NLE1: variants seen among roughly 807,000 people sequenced by gnomAD.
The protein encoded by NLE1 is notchless protein homolog 1.
NLE1 carries 37 observed loss-of-function variants against 62.8 expected under a neutral mutation model. The ratio of observed to expected loss-of-function variants is 0.59; its 90% CI spans 0.45 to 0.78. NLE1 has a LOEUF of 0.78. NLE1 is among the 30% of genes least tolerant of loss of function. NLE1 has a pLI of 0.00. For missense variants in NLE1, 555 were observed against 637.9 expected, an observed-to-expected ratio of 0.87 and a Z score of 1.40; for synonymous variants, 243 against 253.0, an observed-to-expected ratio of 0.96 and a Z score of 0.37.
intron 6 of NLE1, 110 bp downstream of exon 6, chr17:35,137,433 T>C: frequency 1.0e-6 from 1 of 955,230 alleles, no homozygotes; most frequent in South Asian, 1.5e-5. Flanking sequence ...TCACGGTCAT[T>C]CAGGCTGCCC....
At chr17:35,134,247 T>C (rs1187135454) in intron 10 of NLE1, among the ~76,000 whole-genome samples, 2 of 152,210 alleles carry the variant, frequency 1.3e-5, no homozygotes, top group Non-Finnish European at 2.9e-5. Flanking sequence ...TCCCAGGTGA[T>C]GCTGATGCCG....
Position 35,129,401 on chromosome 17 carries a change from CG to C in NLE1, c.*3035del, listed in dbSNP as rs777443186. On this transcript the variant is annotated 3_prime_UTR_variant, in exon 13 of 13. Transcript: ENST00000442241. Reference sequence around the variant, plus strand: ...GGACAGGACATATCTGAGGAAGCCTCGGGGCTCTCTCTTCCCCTAGATTTCC... The same window carrying C: ...GGACAGGACATATCTGAGGAAGCCTCGGGCTCTCTCTTCCCCTAGATTTCC... The C allele has an allele frequency of 6.2e-7, 1 of 1,609,894 alleles. No individual in the cohort carries two copies. The highest frequency in any genetic ancestry group is 1.3e-5 in the African/African-American group (1 of 74,808).
Position 35,134,811 on chromosome 17 carries a change from G to A in NLE1, c.1214+438C>T, listed in dbSNP as rs144797562. 2,086 of 348,998 alleles carry A rather than the reference G, an allele frequency of 6.0e-3. 8 individuals are homozygous for A. The highest frequency in any genetic ancestry group is 9.7e-3 in the Non-Finnish European group (1,728 of 178,272). The allele number at this position is 348,998 out of a possible 1,614,324, so 21.6% of individuals were successfully genotyped here. ...TCACACCTGTAATCCCAGCACTTTG[G>A]GAGGCCGAGGCAGTTGGATCACTTG... On this transcript the variant is annotated intron_variant, in intron 10 of 12. Coordinates refer to ENST00000442241, the MANE Select transcript of NLE1 (RefSeq NM_018096.5).
chr17:35,132,618 GC>G (rs950955427), intron 12 of NLE1, among the ~76,000 whole-genome samples, 169 bp from the exon 13 acceptor site: 41 of 152,132 alleles, frequency 2.7e-4, no homozygotes, highest in African/African-American at 9.4e-4. Flanking sequence ...CCCACTCACT[GC>G]CTGCTGCCAC....
At chr17:35,141,917 T>A in intron 2 of NLE1, 62 bp downstream of exon 2, 1 of 1,508,192 alleles carries the variant, frequency 6.6e-7, no homozygotes. Context: ...CTCGGTAATA[T>A]GATTCCCCCA....
intron 8 of NLE1, 65 bp from the exon 9 acceptor site, chr17:35,136,280 C>T (rs2091908205): frequency 6.2e-7 from 1 of 1,612,476 alleles, no homozygotes. Context: ...AAATCCAACA[C>T]AAAGAGCAAA....
At chr17:35,132,477 G>T in intron 12 of NLE1, 28 bp from the exon 13 acceptor site, 1 of 1,374,234 alleles carries the variant, frequency 7.3e-7, no homozygotes, top group African/African-American at 1.5e-5. Flanking sequence ...GTGTCAGGAT[G>T]GGGATTCCAC....
chr17:35,137,475 T>C lies in NLE1; in HGVS notation c.635+68A>G, dbSNP rs938520441. 30 of 1,303,284 alleles carry C rather than the reference T, an allele frequency of 2.3e-5. No individual in the cohort carries two copies. In the African/African-American group the frequency reaches 2.4e-4, roughly 11 times the overall value. 80.7% of individuals were successfully genotyped at this position (1,303,284 alleles called of 1,614,324 possible). ...TCCCCTCACGTAAAACTTCTATGCATTGGGCAGGGAAAGGGGATGGCTTTG... is the reference window on the plus strand; with the variant it reads ...TCCCCTCACGTAAAACTTCTATGCACTGGGCAGGGAAAGGGGATGGCTTTG... On this transcript the variant is annotated intron_variant, in intron 6 of 12. Transcript: ENST00000442241.
In NLE1 at chr17:35,139,964, C is replaced by A. The variant is rs374888118; in HGVS notation, c.265G>T (p.Asp89Tyr). 6.2e-7 allele frequency: 1 copy of A among 1,614,194 alleles called. No homozygotes were observed. The highest frequency in any genetic ancestry group is 8.5e-7 in the Non-Finnish European group (1 of 1,180,052). The change falls in exon 3 of 13, where the codon GAC becomes TAC. Residue 89 changes from aspartate to tyrosine, a missense_variant. Transcript: ENST00000442241. The stretch of plus-strand genomic sequence containing the variant: ...ATAGCCTGTGGCTGGTAGATGATGT[C>A]TAGGACCTTCTCTGTCTCCACTGCC... ...SQAVETEKVLDIIYQPQAIFR... is the reference protein window; with the variant it reads ...SQAVETEKVLYIIYQPQAIFR...
rs1218555911 is a variant in NLE1 at position 35,142,021 on chromosome 17, G to C, written c.120C>G (p.Thr40=). 3.1e-6 allele frequency: 5 copies of C among 1,607,474 alleles called. No individual in the cohort carries two copies. Among genetic ancestry groups the C allele is most frequent in the East Asian group, 4.5e-5 (2 of 44,648 alleles). ...TGCACACGAGCTGCAGCCTGTCCGG[G>C]GTGATGTCCACGGGCACGTCGAACG... The part of the protein sequence containing the change: ...GSPFDVPVDI[T]PDRLQLVCNA... Residue 40 remains threonine (T), a synonymous_variant, in exon 2 of 13, where the codon ACC becomes ACG. Coordinates refer to ENST00000442241, the MANE Select transcript of NLE1 (RefSeq NM_018096.5).
chr17:35,142,301 G>A lies in NLE1; in HGVS notation c.-26C>T, dbSNP rs766210740. The A allele has an allele frequency of 2.6e-6, 4 of 1,534,014 alleles. No individual in the cohort carries two copies. In the Middle Eastern group the frequency reaches 6.7e-4, roughly 259 times the overall value. ...CCTGCGTCCCCACGTGGAGGAGAAAGAGCCCGGCAGACAGAGCGCCGTCTC... is the reference window on the plus strand; with the variant it reads ...CCTGCGTCCCCACGTGGAGGAGAAAAAGCCCGGCAGACAGAGCGCCGTCTC... On this transcript the variant is annotated 5_prime_UTR_variant, in exon 1 of 13. Transcript: ENST00000442241.
At position 35,137,085 on chromosome 17, in the gene NLE1, C is replaced by T. The variant is rs766514680; in HGVS notation, c.744G>A (p.Ser248=). ...CCCCTCCCCACCGGAGACAGGTGACCGACTGGGTGTGCCCGGTGAGGATGC... is the reference window on the plus strand; with the variant it reads ...CCCCTCCCCACCGGAGACAGGTGACTGACTGGGTGTGCCCGGTGAGGATGC... ...CERILTGHTQ[S]VTCLRWGGDG... The change falls in exon 7 of 13, where the codon TCG becomes TCA. Residue 248 remains serine, a synonymous_variant. Transcript: ENST00000442241. The T allele has an allele frequency of 1.8e-5, 29 of 1,613,870 alleles. No homozygotes were observed. The highest frequency in any genetic ancestry group is 8.3e-5 in the Admixed American group (5 of 59,970).
intron 10 of NLE1, 146 bp from the exon 11 acceptor site, chr17:35,133,644 G>T (rs1379114730): frequency 4.2e-6 from 3 of 722,708 alleles, no homozygotes; most frequent in Non-Finnish European, 4.5e-6. Flanking sequence ...CACACTGCCT[G>T]GTCCCCATCC....
chr17:35,129,323 G>A lies in NLE1; in HGVS notation c.*3114C>T, dbSNP rs1021038309. ...ACCTGCCTGGGCCCCAGCAGGAGCAGGGGATGGGCATGGGACGTCCTGACC... is the reference window on the plus strand; with the variant it reads ...ACCTGCCTGGGCCCCAGCAGGAGCAAGGGATGGGCATGGGACGTCCTGACC... On this transcript the variant is annotated 3_prime_UTR_variant, in exon 13 of 13. Coordinates refer to ENST00000442241, the MANE Select transcript of NLE1 (RefSeq NM_018096.5). 4 of 1,479,700 alleles carry A rather than the reference G, an allele frequency of 2.7e-6. No individual in the cohort carries two copies. The highest frequency in any genetic ancestry group is 2.8e-5 in the African/African-American group (2 of 72,076). The allele number at this position is 1,479,700 out of a possible 1,614,324, so 91.7% of individuals were successfully genotyped here.
At position 35,130,593 on chromosome 17, in the gene NLE1, A is replaced by G; in HGVS notation, c.*1844T>C. The G allele has an allele frequency of 1.3e-6, 1 of 765,492 alleles. No individual in the cohort carries two copies. Among genetic ancestry groups the G allele is most frequent in the Non-Finnish European group, 2.0e-6 (1 of 490,984 alleles). The allele number at this position is 765,492 out of a possible 1,614,324, so 47.4% of individuals were successfully genotyped here. A position where few individuals can be genotyped will look rare whatever the true frequency, so the allele number is the denominator to read the frequency against. ...ACCCCTGGGCTGGGGCCAAGGCTAC[A>G]TAGGGGCCCCATTCACCTGGAGGCA... is the stretch of plus-strand genomic sequence containing the variant. On this transcript the variant is annotated 3_prime_UTR_variant, in exon 13 of 13. Transcript: ENST00000442241.
At position 35,142,046 on chromosome 17, in the gene NLE1, G is replaced by A. The variant is rs147159845; in HGVS notation, c.95C>T (p.Pro32Leu). The stretch of plus-strand genomic sequence containing the variant: ...GGTGATGTCCACGGGCACGTCGAAC[G>A]GGGAACCCAGCAGCTGCCCGCCCTC... Reference protein sequence around the residue: ...QDEGGQLLGSPFDVPVDITPD... With the variant: ...QDEGGQLLGSLFDVPVDITPD... The change falls in exon 2 of 13, where the codon CCG becomes CTG. Residue 32 changes from proline to leucine, a missense_variant. Pro to Leu is a moderately conservative substitution (Grantham distance 98). Coordinates refer to ENST00000442241, the MANE Select transcript of NLE1 (RefSeq NM_018096.5). The A allele has an allele frequency of 1.1e-5, 18 of 1,612,132 alleles. No homozygotes were observed. In the African/African-American group the frequency reaches 1.3e-4, roughly 12 times the overall value.
At chr17:35,136,945 A>T in intron 7 of NLE1, 56 bp downstream of exon 7, 1 of 1,471,254 alleles carries the variant, frequency 6.8e-7, no homozygotes, top group Non-Finnish European at 9.3e-7. Flanking sequence ...TCTGAGTGCC[A>T]GCATCTTGTG....
chr17:35,142,149 A>AGTCTG (rs2091948376), intron 1 of NLE1, 27 bp from the exon 2 acceptor site: 41 of 1,608,230 alleles, frequency 2.5e-5, no homozygotes, highest in Non-Finnish European at 3.4e-5. Flanking sequence ...GGCGGGAGTC[A>AGTCTG]GTCTGGTCGC....
At chr17:35,135,723 G>A (rs1401393021) in intron 9 of NLE1, among the ~76,000 whole-genome samples, 2 of 152,172 alleles carry the variant, frequency 1.3e-5, no homozygotes, top group Non-Finnish European at 2.9e-5. Flanking sequence ...TGTGTTAAAA[G>A]AAGGATTTTA....
Sources: allele counts gnomAD v4.1 joint callset (sites outside exome capture counted in the v4.1 genomes callset), GRCh38; gene constraint gnomAD v4.1.1; transcripts MANE v1.5; gene names NCBI Gene and HGNC (gene_info 2026-07-23, HGNC 2026-07-21).